CCDC192: variants seen among roughly 807,000 people sequenced by gnomAD.
CCDC192 encodes coiled-coil domain containing 192.
chr5:127,702,717 G>A (rs1750756284), upstream of CCDC192, among the ~76,000 whole-genome samples: 1 of 152,182 alleles, frequency 6.6e-6, no homozygotes. Flanking sequence ...GTGGACTGCA[G>A]GGATCCTACC....
chr5:127,825,335 ACT>A (rs1333041531), intron 5 of CCDC192, among the ~76,000 whole-genome samples: 1 of 152,152 alleles, frequency 6.6e-6, no homozygotes, highest in African/African-American at 2.4e-5. Flanking sequence ...TAGAGCTAAA[ACT>A]CTGAGTAGAA....
Position 127,911,839 on chromosome 5 carries a change from T to A in CCDC192, c.536-29343T>A, listed in dbSNP as rs145882863. Among the ~76,000 whole-genome samples the A allele has an allele frequency of 1.9e-3, 288 of 152,084 alleles. 1 individual carries two copies. The highest frequency in any genetic ancestry group is 0.017 in the Middle Eastern group (5 of 294). ...CTCTCACTTCTGTCTCCTCAGTAGC[T>A]GGGACTACAGGCAGCACACCACCAT... On this transcript the variant is annotated intron_variant, in intron 6 of 6. Transcript: ENST00000514853.
chr5:127,765,298 A>G (rs1259447891), intron 3 of CCDC192, among the ~76,000 whole-genome samples: 1 of 152,190 alleles, frequency 6.6e-6, no homozygotes, highest in East Asian at 1.9e-4. Flanking sequence ...CCTTTATTAA[A>G]CCAGACATTA....
intron 5 of CCDC192, among the ~76,000 whole-genome samples, chr5:127,856,668 T>C (rs943426539): frequency 3.3e-5 from 5 of 152,252 alleles, no homozygotes; most frequent in Admixed American, 6.5e-5. Context: ...ACTTGAACAC[T>C]TAGAGCCATT....
At chr5:127,876,100 G>A (rs1190665021) in intron 6 of CCDC192, among the ~76,000 whole-genome samples, 1 of 135,166 alleles carries the variant, frequency 7.4e-6, no homozygotes, top group Admixed American at 7.7e-5. Flanking sequence ...ATAGGCAAAT[G>A]AACCAGAAAC....
rs531096544 is a variant in CCDC192 at position 127,917,721 on chromosome 5, G to A, written c.536-23461G>A. ...ATGGCACCCCAAAACAATTACAACG[G>A]TAACATCAAAGATCATCGATCACAG... On this transcript the variant is annotated intron_variant, in intron 6 of 6. Coordinates refer to ENST00000514853, the MANE Select transcript of CCDC192 (RefSeq NM_001317938.2). Among the ~76,000 whole-genome samples, 12 of 152,106 alleles carry A rather than the reference G, an allele frequency of 7.9e-5. 1 individual carries two copies. The South Asian group carries it at 2.3e-3, about 29-fold the overall frequency.
At chr5:127,816,098 A>G (rs1166287949) in intron 5 of CCDC192, among the ~76,000 whole-genome samples, 1 of 152,162 alleles carries the variant, frequency 6.6e-6, no homozygotes, top group African/African-American at 2.4e-5. Context: ...AGAGAAAAGT[A>G]ATGAGGAGGG....
At chr5:127,722,311 CT>C (rs200224246) in intron 2 of CCDC192, among the ~76,000 whole-genome samples, 1,526 of 145,282 alleles carry the variant, frequency 0.011, 24 homozygotes, top group African/African-American at 0.032. Flanking sequence ...AATTAGAGTA[CT>C]TTTTTTTTTT....
At chr5:127,849,638 G>A (rs1008033487) in intron 5 of CCDC192, among the ~76,000 whole-genome samples, 1 of 152,142 alleles carries the variant, frequency 6.6e-6, no homozygotes, top group African/African-American at 2.4e-5. Context: ...ATGAAATGTT[G>A]CCAAATGAGT....
intron 5 of CCDC192, among the ~76,000 whole-genome samples, chr5:127,827,190 A>G (rs1252516895): frequency 6.6e-6 from 1 of 152,200 alleles, no homozygotes; most frequent in Non-Finnish European, 1.5e-5. Context: ...CAAAGTAGGG[A>G]AAATTCCCAA....
chr5:127,823,287 A>G (rs959181669), intron 5 of CCDC192, among the ~76,000 whole-genome samples: 1 of 152,168 alleles, frequency 6.6e-6, no homozygotes, highest in African/African-American at 2.4e-5. Flanking sequence ...GGAGCTGTTT[A>G]CAACTCGCCT....
chr5:127,719,702 G>GTCATTTCA (rs1751895302), intron 2 of CCDC192, among the ~76,000 whole-genome samples: 1 of 151,386 alleles, frequency 6.6e-6, no homozygotes, highest in East Asian at 1.9e-4. Flanking sequence ...AAAGAAAAGA[G>GTCATTTCA]GATGAACTGG....
intron 5 of CCDC192, among the ~76,000 whole-genome samples, chr5:127,847,101 A>G (rs1750587868): frequency 6.6e-6 from 1 of 152,170 alleles, no homozygotes; most frequent in Non-Finnish European, 1.5e-5. Context: ...ACAAATTTCC[A>G]TGGTGCTACC....
chr5:127,818,746 A>G (rs1749145656), intron 5 of CCDC192, among the ~76,000 whole-genome samples: 1 of 152,142 alleles, frequency 6.6e-6, no homozygotes, highest in African/African-American at 2.4e-5. Context: ...GGAGTGATCT[A>G]GGCAGAGGAA....
At chr5:127,814,813 C>G (rs1282121268) in intron 5 of CCDC192, among the ~76,000 whole-genome samples, 1 of 152,230 alleles carries the variant, frequency 6.6e-6, no homozygotes, top group East Asian at 1.9e-4. Flanking sequence ...TCTAGCTGCA[C>G]AGCTCCCACT....
chr5:127,893,010 T>C (rs1050399861), intron 6 of CCDC192, among the ~76,000 whole-genome samples: 10 of 152,190 alleles, frequency 6.6e-5, no homozygotes, highest in Non-Finnish European at 1.5e-4. Context: ...ATCGGAGATA[T>C]CTGAAAACAT....
intron 3 of CCDC192, 37 bp from the exon 4 acceptor site, chr5:127,797,066 C>CTGT: frequency 2.5e-6 from 1 of 395,688 alleles, no homozygotes; most frequent in Non-Finnish European, 4.5e-6. Context: ...TAAAATATCA[C>CTGT]TGTACTTACA....
intron 6 of CCDC192, among the ~76,000 whole-genome samples, chr5:127,877,384 A>T (rs1000480021): frequency 2.6e-5 from 4 of 152,112 alleles, no homozygotes; most frequent in African/African-American, 7.2e-5. Context: ...TGTATAGAAA[A>T]ACATGGGTAT....
intron 2 of CCDC192, among the ~76,000 whole-genome samples, chr5:127,719,540 T>C (rs1446031224): frequency 0.013 from 1,303 of 103,612 alleles, 61 homozygotes; most frequent in Admixed American, 0.047. Context: ...CATACATATA[T>C]ATATATATAT....
Sources: allele counts gnomAD v4.1 joint callset (sites outside exome capture counted in the v4.1 genomes callset), GRCh38; gene constraint gnomAD v4.1.1; transcripts MANE v1.5; gene names NCBI Gene and HGNC (gene_info 2026-07-23, HGNC 2026-07-21).